DDX17: variants seen among roughly 807,000 people sequenced by gnomAD.
The protein encoded by DDX17 is probable ATP-dependent RNA helicase DDX17.
DDX17 carries 10 observed loss-of-function variants against 80.8 expected under a neutral mutation model. The ratio of observed to expected loss-of-function variants is 0.12; its 90% CI spans 0.08 to 0.21. DDX17 has a LOEUF of 0.21. Among genes scored for constraint, DDX17 ranks in the 10% least tolerant of loss-of-function variants. The pLI, the probability that DDX17 is intolerant of heterozygous loss-of-function variation, is 1.00. For missense variants in DDX17, 586 were observed against 957.4 expected, an observed-to-expected ratio of 0.61 and a Z score of 5.12; for synonymous variants, 339 against 336.2, an observed-to-expected ratio of 1.01 and a Z score of -0.09.
At chr22:38,487,726 A>G in intron 12 of DDX17, 153 bp downstream of exon 12, 1 of 735,318 alleles carries the variant, frequency 1.4e-6, no homozygotes. Flanking sequence ...ACGTTTTCTT[A>G]GTTGAAAAAG....
rs1455881630 is a variant in DDX17, at chr22:38,489,189, TATAA to T, written c.1448-1078_1448-1075del. 2.0e-6 allele frequency: 2 copies of T among 985,644 alleles called. No individual in the cohort carries two copies. Among genetic ancestry groups the T allele is most frequent in the Non-Finnish European group, 2.4e-6 (2 of 829,832 alleles). 61.1% of individuals were successfully genotyped at this position (985,644 alleles called of 1,614,324 possible). A position where few individuals can be genotyped will look rare whatever the true frequency, so the allele number is the denominator to read the frequency against. ...CTAGATAAAACACAGATTTTTGTGA[TATAA>T]ATAATTAAAAAACATTCTCTGTTTG... On this transcript the variant is annotated intron_variant, in intron 11 of 12. Transcript: ENST00000403230. This position sits in a 1 kb window ranked among gnomAD's most constrained non-coding sequence, Gnocchi z 4.6.
intron 11 of DDX17, chr22:38,491,738 A>C (rs2089715428): frequency 3.8e-6 from 1 of 265,568 alleles, no homozygotes; most frequent in Admixed American, 5.3e-5. Context: ...CACCAGAGAG[A>C]AGCTGAGCCA....
In DDX17 at chr22:38,495,690, G is replaced by A. The variant is rs561404716; in HGVS notation, c.880+106C>T. 7.2e-4 allele frequency: 656 copies of A among 909,574 alleles called. 1 individual carries two copies. Among genetic ancestry groups the A allele is most frequent in the Admixed American group, 1.5e-3 (53 of 35,292 alleles). 56.3% of individuals were successfully genotyped at this position (909,574 alleles called of 1,614,324 possible). ...CACATCTGAGAATTTCTAAGCTGCT[G>A]AAATTCTGAGTTTATCACAAGAACC... is the stretch of plus-strand genomic sequence containing the variant. On this transcript the variant is annotated intron_variant, in intron 6 of 12. Transcript: ENST00000403230.
intron 12 of DDX17, 78 bp from the exon 13 acceptor site, chr22:38,486,518 C>T: frequency 2.1e-6 from 3 of 1,456,178 alleles, no homozygotes; most frequent in Non-Finnish European, 2.7e-6. Context: ...CTACTGGGTA[C>T]AAAAGTATTA....
intron 10 of DDX17, 134 bp from the exon 11 acceptor site, chr22:38,492,249 T>C (rs2089720789): frequency 3.1e-6 from 2 of 646,954 alleles, no homozygotes; most frequent in Admixed American, 6.8e-5. Flanking sequence ...GTGATTCTTT[T>C]GAAAATCTTT....
At position 38,501,169 on chromosome 22, in the gene DDX17, A is replaced by G; in HGVS notation, c.399T>C (p.Asn133=). 1 of 1,613,622 alleles carries G rather than the reference A, an allele frequency of 6.2e-7. No homozygotes were observed. The highest frequency in any genetic ancestry group is 1.3e-5 in the African/African-American group (1 of 74,908). Residue 133 remains asparagine, a synonymous_variant, in exon 2 of 13, where the codon AAT becomes AAC. Coordinates refer to ENST00000403230, the MANE Select transcript of DDX17 (RefSeq NM_006386.5). ...CTACTTCCGGATGTTCCACATAAAA[A>G]TTTTTCTCAAACTTGGGGAGCTCAC...
rs2089637812 is a variant in DDX17, at chr22:38,484,735, T to C, written c.*1200A>G. Reference sequence around the variant, plus strand: ...AGATGGAGGAAAAGTGAAAAGGACTTAGGCTTTAGTCCTCCATGACTTTTC... The same window carrying C: ...AGATGGAGGAAAAGTGAAAAGGACTCAGGCTTTAGTCCTCCATGACTTTTC... On this transcript the variant is annotated 3_prime_UTR_variant, in exon 13 of 13. Coordinates refer to ENST00000403230, the MANE Select transcript of DDX17 (RefSeq NM_006386.5). The C allele has an allele frequency of 6.6e-6, 1 of 152,208 alleles. No homozygotes were observed. The highest frequency in any genetic ancestry group is 1.5e-5 in the Non-Finnish European group (1 of 68,044). 9.4% of individuals were successfully genotyped at this position (152,208 alleles called of 1,614,324 possible).
At chr22:38,498,207 T>C (rs2089789924) in intron 4 of DDX17, 57 bp from the exon 5 acceptor site, 4 of 1,556,642 alleles carry the variant, frequency 2.6e-6, no homozygotes, top group Non-Finnish European at 3.5e-6. Flanking sequence ...CTTACTTAGA[T>C]ACTTAGTAAT....
chr22:38,490,443 A>G, intron 11 of DDX17: 1 of 1,289,336 alleles, frequency 7.8e-7, no homozygotes, highest in Non-Finnish European at 1.0e-6. Context: ...GCTTCTGTTA[A>G]AAAACAAAAC....
rs192737870 is a variant in DDX17, at chr22:38,501,375, T to C, written c.288-95A>G. ...TTCAAAAAGGATGGAGTTCTAGGGA[T>C]ACTACCAGCCTACCTCCAAAAAGAC... is the stretch of plus-strand genomic sequence containing the variant. On this transcript the variant is annotated intron_variant, in intron 1 of 12. Transcript: ENST00000403230. The C allele has an allele frequency of 4.2e-5, 59 of 1,400,976 alleles. No homozygotes were observed. The Admixed American group carries it at 1.4e-3, about 33-fold the overall frequency. 86.8% of individuals were successfully genotyped at this position (1,400,976 alleles called of 1,614,324 possible).
intron 1 of DDX17, among the ~76,000 whole-genome samples, chr22:38,504,998 C>G (rs533113644): frequency 5.9e-5 from 9 of 152,234 alleles, no homozygotes; most frequent in Non-Finnish European, 1.2e-4. Flanking sequence ...AACCTCCTCC[C>G]CCCGGGTTCA....
rs757657592 is a variant in DDX17 at position 38,506,044 on chromosome 22, G to A, written c.194C>T (p.Pro65Leu). ...ATCTGGGAGCGGGGCACGGATGGCCGGGCTCGGGAGGGCCTGCGGCTCCGG... is the reference window on the plus strand; with the variant it reads ...ATCTGGGAGCGGGGCACGGATGGCCAGGCTCGGGAGGGCCTGCGGCTCCGG... Residue 65 changes from proline to leucine, a missense_variant, in exon 1 of 13, where the codon CCG (proline) becomes CTG (leucine). Around this residue, in one of 4 missense-constraint regions of DDX17, gnomAD observed 215 missense variants for 238.4 expected, o/e 0.90. Coordinates refer to ENST00000403230, the MANE Select transcript of DDX17 (RefSeq NM_006386.5). 1.8e-5 allele frequency: 29 copies of A among 1,584,984 alleles called. No individual in the cohort carries two copies. The highest frequency in any genetic ancestry group is 2.4e-5 in the Non-Finnish European group (28 of 1,166,602).
At chr22:38,500,335 G>A (rs923226459) in intron 2 of DDX17, among the ~76,000 whole-genome samples, 1 of 151,868 alleles carries the variant, frequency 6.6e-6, no homozygotes, top group African/African-American at 2.4e-5. Flanking sequence ...ATGAGTATTA[G>A]GGGTCTTAGA....
chr22:38,485,237 C>CAA lies in DDX17; in HGVS notation c.*696_*697dup, dbSNP rs907302560. On this transcript the variant is annotated 3_prime_UTR_variant, in exon 13 of 13. Transcript: ENST00000403230. Reference sequence around the variant, plus strand: ...TGTGGTTTTTAATTTAAAGGATACACAAAACTCAGCAATTCAATTTCTAGC... The same window carrying CAA: ...TGTGGTTTTTAATTTAAAGGATACACAAAAAACTCAGCAATTCAATTTCTAGC... 25 of 152,152 alleles carry CAA rather than the reference C, an allele frequency of 1.6e-4. No individual in the cohort carries two copies. Among genetic ancestry groups the CAA allele is most frequent in the African/African-American group, 6.0e-4 (25 of 41,486 alleles). The allele number at this position is 152,152 out of a possible 1,614,324, so 9.4% of individuals were successfully genotyped here.
Position 38,506,173 on chromosome 22 carries a change from G to T in DDX17, c.65C>A (p.Ala22Glu). The T allele has an allele frequency of 6.3e-7, 1 of 1,595,962 alleles. No homozygotes were observed. ...GTCTCCCGTCGCAGACGCCACCGTCGCCGCCTCTCTCGTCGGAGACGGGAG... is the reference window on the plus strand; with the variant it reads ...GTCTCCCGTCGCAGACGCCACCGTCTCCGCCTCTCTCGTCGGAGACGGGAG... The change falls in exon 1 of 13, where the codon GCG becomes GAG. Residue 22 changes from alanine (A) to glutamate (E), a missense_variant. Physicochemically the swap from Ala to Glu is moderately radical, Grantham distance 107. Coordinates refer to ENST00000403230, the MANE Select transcript of DDX17 (RefSeq NM_006386.5).
At chr22:38,487,426 C>T (rs1398662125) in intron 12 of DDX17, among the ~76,000 whole-genome samples, 3 of 152,190 alleles carry the variant, frequency 2.0e-5, no homozygotes, top group Non-Finnish European at 4.4e-5. Flanking sequence ...CGAGACCAGC[C>T]AGGCCAACAT....
rs769569283 is a variant in DDX17 at position 38,486,481 on chromosome 22, G to A, written c.1685-41C>T. On this transcript the variant is annotated intron_variant, in intron 12 of 12. Coordinates refer to ENST00000403230, the MANE Select transcript of DDX17 (RefSeq NM_006386.5). The stretch of plus-strand genomic sequence containing the variant: ...AAGAAGATTTTTAATGGCAGATATA[G>A]GACCTAAACATAACAATGTAAAAAT... The A allele has an allele frequency of 1.8e-5, 28 of 1,521,120 alleles. 1 individual carries two copies. In the South Asian group the frequency reaches 2.6e-4, roughly 14 times the overall value. 94.2% of individuals were successfully genotyped at this position (1,521,120 alleles called of 1,614,324 possible).
intron 2 of DDX17, 33 bp downstream of exon 2, chr22:38,501,096 TA>T: frequency 3.7e-6 from 6 of 1,602,622 alleles, no homozygotes; most frequent in Non-Finnish European, 5.1e-6. Flanking sequence ...CTTGGTTCAA[TA>T]ATCTGTACAT....
In DDX17 at chr22:38,485,071, G is replaced by C. The variant is rs2089641212; in HGVS notation, c.*864C>G. 1 of 152,144 alleles carries C rather than the reference G, an allele frequency of 6.6e-6. No homozygotes were observed. Among genetic ancestry groups the C allele is most frequent in the Non-Finnish European group, 1.5e-5 (1 of 68,022 alleles). The allele number at this position is 152,144 out of a possible 1,614,324, so 9.4% of individuals were successfully genotyped here. A position where few individuals can be genotyped will look rare whatever the true frequency, so the allele number is the denominator to read the frequency against. On this transcript the variant is annotated 3_prime_UTR_variant, in exon 13 of 13. Coordinates refer to ENST00000403230, the MANE Select transcript of DDX17 (RefSeq NM_006386.5). ...AAACTGGTTAGTAAATTTCCAGCGAGCATTTATGTTCATTTGCTCACAGCA... is the reference window on the plus strand; with the variant it reads ...AAACTGGTTAGTAAATTTCCAGCGACCATTTATGTTCATTTGCTCACAGCA...
Sources: allele counts gnomAD v4.1 joint callset (sites outside exome capture counted in the v4.1 genomes callset), GRCh38; gene constraint gnomAD v4.1.1; regional missense constraint gnomAD v4.1.1; non-coding constraint Gnocchi (gnomAD v3.1); transcripts MANE v1.5; gene names NCBI Gene and HGNC (gene_info 2026-07-23, HGNC 2026-07-21).